The following RTL4 variants were observed in gnomAD, a reference collection of about 807,000 sequenced individuals.
RTL4 encodes retrotransposon Gag-like protein 4.
A neutral mutation model predicts 5.3 loss-of-function variants in RTL4; 4 were observed. The ratio of observed to expected loss-of-function variants is 0.75; its 90% CI spans 0.37 to 1.72. The LOEUF is 1.72. Among genes scored for constraint, RTL4 ranks in the 40% most tolerant of loss-of-function variants. RTL4 has a pLI of 0.04. For missense variants in RTL4, 260 were observed against 227.1 expected, an observed-to-expected ratio of 1.14 and a Z score of -0.93; for synonymous variants, 98 against 87.3, an observed-to-expected ratio of 1.12 and a Z score of -0.68.
chrX:112,267,162 C>A, the RTL4 span, among the ~76,000 whole-genome samples: 1 of 111,440 alleles, frequency 9.0e-6, no homozygotes, highest in Non-Finnish European at 1.9e-5. Flanking sequence ...CTCTGGTTCC[C>A]TTCTTAACAA....
the RTL4 span, among the ~76,000 whole-genome samples, chrX:112,433,911 A>G: frequency 1.2e-5 from 1 of 83,607 alleles, no homozygotes; most frequent in Non-Finnish European, 2.3e-5. Context: ...CGTCCCATCA[A>G]TGCCTAATTT....
chrX:112,092,735 T>A, the RTL4 span, among the ~76,000 whole-genome samples: 1 of 110,684 alleles, frequency 9.0e-6, no homozygotes, highest in Non-Finnish European at 1.9e-5. Context: ...AGTGAATGGG[T>A]CTCATGAGAT....
chrX:112,320,740 T>C, the RTL4 span, among the ~76,000 whole-genome samples: 1 of 111,796 alleles, frequency 8.9e-6, no homozygotes, highest in African/African-American at 3.3e-5. Flanking sequence ...CCTTATTAGC[T>C]ACAAGCTTCA....
the RTL4 span, among the ~76,000 whole-genome samples, chrX:112,215,475 A>G: frequency 8.9e-6 from 1 of 111,762 alleles, no homozygotes; most frequent in Non-Finnish European, 1.9e-5. Flanking sequence ...AGTTCCTTAT[A>G]TATTTTGGAT....
At chrX:112,158,606 T>C in the RTL4 span, among the ~76,000 whole-genome samples, 1 of 110,976 alleles carries the variant, frequency 9.0e-6, no homozygotes, top group Non-Finnish European at 1.9e-5. Flanking sequence ...TACTAAATTA[T>C]GATATATGAT....
At chrX:112,255,850 A>G in the RTL4 span, among the ~76,000 whole-genome samples, 1 of 111,911 alleles carries the variant, frequency 8.9e-6, no homozygotes, top group Non-Finnish European at 1.9e-5. Flanking sequence ...GATGAGGCAA[A>G]TATCTTTCCT....
the RTL4 span, among the ~76,000 whole-genome samples, chrX:112,166,522 TAGAGGA>T: frequency 1.8e-5 from 2 of 111,661 alleles, no homozygotes; most frequent in African/African-American, 6.5e-5. Context: ...AACTGCAAGC[TAGAGGA>T]AGTGAGAAAG....
the RTL4 span, among the ~76,000 whole-genome samples, chrX:112,102,735 C>T: frequency 9.0e-6 from 1 of 111,104 alleles, no homozygotes; most frequent in African/African-American, 3.3e-5. Flanking sequence ...CTTACATTTA[C>T]AAGAAAAAAA....
the RTL4 span, among the ~76,000 whole-genome samples, chrX:112,350,317 A>G: frequency 4.6e-5 from 5 of 109,173 alleles, no homozygotes; most frequent in East Asian, 2.9e-4. Context: ...ATATTGGTCT[A>G]AAATTCTCTT....
At chrX:112,128,574 G>A in the RTL4 span, among the ~76,000 whole-genome samples, 1 of 105,222 alleles carries the variant, frequency 9.5e-6, no homozygotes, top group Non-Finnish European at 2.0e-5. Flanking sequence ...CAGGAGACTC[G>A]CTTGAACCCG....
the RTL4 span, among the ~76,000 whole-genome samples, chrX:112,389,262 T>A: frequency 9.2e-6 from 1 of 109,154 alleles, no homozygotes. Context: ...CATTTCTAAT[T>A]GTGTTTACTT....
the RTL4 span, among the ~76,000 whole-genome samples, chrX:112,251,017 T>C: frequency 6.5e-3 from 734 of 112,178 alleles, 2 homozygotes; most frequent in Middle Eastern, 0.019. Flanking sequence ...ATAGCTACCA[T>C]GTATTGAGTG....
the RTL4 span, among the ~76,000 whole-genome samples, chrX:112,236,467 C>A: frequency 5.6e-5 from 4 of 71,060 alleles, no homozygotes; most frequent in African/African-American, 1.9e-4. Flanking sequence ...AGATCTATAT[C>A]TATATATAGA....
At chrX:112,175,856 A>G in the RTL4 span, among the ~76,000 whole-genome samples, 2 of 111,328 alleles carry the variant, frequency 1.8e-5, no homozygotes, top group Non-Finnish European at 3.8e-5. Flanking sequence ...CCTACTCAGC[A>G]TACTGTTGGA....
chrX:112,146,693 G>A, the RTL4 span, among the ~76,000 whole-genome samples: 16 of 109,517 alleles, frequency 1.5e-4, no homozygotes, highest in Non-Finnish European at 2.7e-4. Context: ...AATGAATCAA[G>A]TGAATCCAGG....
chrX:112,095,000 T>A, the RTL4 span, among the ~76,000 whole-genome samples: 3 of 110,917 alleles, frequency 2.7e-5, no homozygotes, highest in Non-Finnish European at 5.7e-5. Context: ...GTTTTTAAGA[T>A]GAGAAAACAT....
chrX:112,192,637 A>C, the RTL4 span, among the ~76,000 whole-genome samples: 1 of 111,487 alleles, frequency 9.0e-6, no homozygotes, highest in African/African-American at 3.2e-5. Context: ...TAATATACAA[A>C]ATTTTTGTTC....
the RTL4 span, among the ~76,000 whole-genome samples, chrX:112,329,845 C>G: frequency 9.0e-6 from 1 of 111,531 alleles, no homozygotes; most frequent in African/African-American, 3.3e-5. Flanking sequence ...GGATGCAAGG[C>G]TGGTTCAACA....
the RTL4 span, among the ~76,000 whole-genome samples, chrX:112,371,171 G>T: frequency 9.0e-6 from 1 of 110,932 alleles, no homozygotes; most frequent in African/African-American, 3.3e-5. Context: ...GGGACATTTA[G>T]ACATAGTTTT....
Sources: gnomAD v4.1 joint callset for allele counts (sites outside exome capture counted in the v4.1 genomes callset) on GRCh38, gnomAD v4.1.1 for gene constraint, MANE v1.5 for transcripts, NCBI Gene and HGNC (gene_info 2026-07-23, HGNC 2026-07-21) for gene names.